IGF1R: variants seen among roughly 807,000 people sequenced by gnomAD.
IGF1R encodes insulin like growth factor 1 receptor, also known as insulin-like growth factor 1 receptor.
Under a neutral mutation model 144.6 loss-of-function variants are expected in IGF1R, and 44 were observed. The ratio of observed to expected loss-of-function variants is 0.30; its 90% confidence interval spans 0.24 to 0.39. The LOEUF (loss-of-function observed/expected upper bound fraction) is 0.39, where lower values mean the gene tolerates loss of function less well. Among genes scored for constraint, IGF1R ranks in the 10% least tolerant of loss-of-function variants. The probability of loss-of-function intolerance (pLI) is 1.00; values close to 1 mark genes in which losing one functional copy is unlikely to be tolerated. For missense variants in IGF1R, 1,355 were observed against 1,833.7 expected, an observed-to-expected ratio of 0.74 and a Z score of 4.77; for synonymous variants, 795 against 722.8, an observed-to-expected ratio of 1.10 and a Z score of -1.60.
At chr15:98,656,508 C>T (rs1222419510) in intron 1 of IGF1R, among the ~76,000 whole-genome samples, 1 of 152,142 alleles carries the variant, frequency 6.6e-6, no homozygotes, top group Non-Finnish European at 1.5e-5. Flanking sequence ...AAGATGATGC[C>T]ACTGCACTCC....
chr15:98,711,523 G>T (rs1035373154), intron 2 of IGF1R, among the ~76,000 whole-genome samples: 3 of 152,116 alleles, frequency 2.0e-5, no homozygotes, highest in African/African-American at 7.2e-5. Flanking sequence ...GTTCTTTTTG[G>T]ATTTAGGAGT....
At chr15:98,742,646 T>G (rs2054773332) in intron 2 of IGF1R, among the ~76,000 whole-genome samples, 1 of 152,218 alleles carries the variant, frequency 6.6e-6, no homozygotes, top group African/African-American at 2.4e-5. Context: ...AGTTCACATT[T>G]TAAATTTTAT....
At chr15:98,839,990 A>G (rs976284849) in intron 2 of IGF1R, among the ~76,000 whole-genome samples, 4 of 152,206 alleles carry the variant, frequency 2.6e-5, no homozygotes, top group African/African-American at 9.6e-5. Flanking sequence ...GTTATTTATC[A>G]TGGGATTACT....
chr15:98,744,011 A>T (rs1280106169), intron 2 of IGF1R, among the ~76,000 whole-genome samples: 7 of 152,124 alleles, frequency 4.6e-5, no homozygotes, highest in Non-Finnish European at 1.0e-4. Context: ...GACTGTGAGC[A>T]TGAGTTTGAT....
intron 1 of IGF1R, 98 bp downstream of exon 1, chr15:98,649,773 C>T: frequency 7.9e-6 from 7 of 891,572 alleles, no homozygotes; most frequent in Non-Finnish European, 1.1e-5. Context: ...TCGCAGCTGT[C>T]GGGCCCCCGG....
chr15:98,654,046 T>A (rs183009399), intron 1 of IGF1R, among the ~76,000 whole-genome samples: 2 of 152,184 alleles, frequency 1.3e-5, no homozygotes, highest in East Asian at 3.9e-4. Flanking sequence ...GAAATTCAGA[T>A]TTTTTTTCAG....
intron 2 of IGF1R, chr15:98,820,794 C>T (rs187485710): frequency 1.9e-4 from 29 of 152,282 alleles, no homozygotes; most frequent in African/African-American, 2.6e-4. Context: ...TAAACCACTG[C>T]TCAGAATGTG....
intron 10 of IGF1R, among the ~76,000 whole-genome samples, chr15:98,918,302 C>T (rs779672420): frequency 2.0e-5 from 3 of 152,186 alleles, no homozygotes; most frequent in Non-Finnish European, 2.9e-5. Flanking sequence ...CCCCTCACTG[C>T]CCCCGACCCT....
chr15:98,681,683 C>G (rs1391679239), intron 1 of IGF1R, among the ~76,000 whole-genome samples: 1 of 152,138 alleles, frequency 6.6e-6, no homozygotes, highest in Non-Finnish European at 1.5e-5. Context: ...TGTGACATGG[C>G]TTTCATAAAA....
At chr15:98,851,167 C>T (rs2011513366) in intron 2 of IGF1R, among the ~76,000 whole-genome samples, 1 of 152,080 alleles carries the variant, frequency 6.6e-6, no homozygotes, top group Non-Finnish European at 1.5e-5. Flanking sequence ...TGTGTGTGGC[C>T]CATCCAGGGA....
chr15:98,667,618 C>T (rs1332438949), intron 1 of IGF1R, among the ~76,000 whole-genome samples: 2 of 151,948 alleles, frequency 1.3e-5, no homozygotes, highest in East Asian at 1.9e-4. Context: ...TTTAACCAGG[C>T]GCCAGGGCTC....
At chr15:98,803,482 C>T (rs1287342814) in intron 2 of IGF1R, among the ~76,000 whole-genome samples, 2 of 40,296 alleles carry the variant, frequency 5.0e-5, no homozygotes, top group South Asian at 1.7e-3. Context: ...TTAGGCTACA[C>T]TTAGTGAATA....
At position 98,891,367 on chromosome 15, in the gene IGF1R, A is replaced by G. The variant is rs757968524; in HGVS notation, c.683A>G (p.Asn228Ser). Residue 228 changes from asparagine to serine, a missense_variant, in exon 3 of 21, where the codon AAT (asparagine) becomes AGT (serine). Physicochemically the swap from Asn to Ser is conservative, Grantham distance 46. Around this residue, in one of 7 missense-constraint regions of IGF1R, gnomAD observed 880 missense variants for 1,202.7 expected, o/e 0.73. Transcript: ENST00000650285. This position sits in a 1 kb window ranked among gnomAD's most constrained non-coding sequence, Gnocchi z 4.7. The stretch of plus-strand genomic sequence containing the variant: ...GGGAAGCGGGCGTGCACCGAGAACA[A>G]TGAGTGCTGCCACCCCGAGTGCCTG... ...TCGKRACTEN[N>S]ECCHPECLGS... The G allele has an allele frequency of 5.6e-6, 9 of 1,609,984 alleles. No homozygotes were observed. The highest frequency in any genetic ancestry group is 1.7e-5 in the Admixed American group (1 of 59,978).
At chr15:98,897,838 C>A (rs1021831661) in intron 4 of IGF1R, among the ~76,000 whole-genome samples, 1 of 151,776 alleles carries the variant, frequency 6.6e-6, no homozygotes. Flanking sequence ...GGTCAAGGTA[C>A]TGATAGTTTT....
At chr15:98,826,464 G>C (rs920888644) in intron 2 of IGF1R, among the ~76,000 whole-genome samples, 4 of 152,202 alleles carry the variant, frequency 2.6e-5, no homozygotes, top group Non-Finnish European at 4.4e-5. Context: ...AATGAAAAAT[G>C]CAACGACTGT....
intron 2 of IGF1R, among the ~76,000 whole-genome samples, chr15:98,792,616 T>C (rs2056152796): frequency 6.6e-6 from 1 of 152,212 alleles, no homozygotes; most frequent in Non-Finnish European, 1.5e-5. Context: ...GGGGATCTTT[T>C]CATATATGTA....
chr15:98,853,854 T>A (rs1264440926), intron 2 of IGF1R, among the ~76,000 whole-genome samples: 1 of 152,038 alleles, frequency 6.6e-6, no homozygotes, highest in East Asian at 1.9e-4. Context: ...CAAATAGAAA[T>A]GTAAGGCGTG....
chr15:98,676,488 T>C (rs1468712310), intron 1 of IGF1R, among the ~76,000 whole-genome samples: 1 of 152,116 alleles, frequency 6.6e-6, no homozygotes, highest in Non-Finnish European at 1.5e-5. Context: ...TTGTTTGTGG[T>C]AAAATCATTT....
intron 2 of IGF1R, among the ~76,000 whole-genome samples, chr15:98,885,483 T>C (rs2013595102): frequency 6.6e-6 from 1 of 152,180 alleles, no homozygotes; most frequent in African/African-American, 2.4e-5. Context: ...CTTTGGACCA[T>C]GTGTCTCTCT....
Sources: gnomAD v4.1 joint callset for allele counts (sites outside exome capture counted in the v4.1 genomes callset) on GRCh38, gnomAD v4.1.1 for gene constraint, gnomAD v4.1.1 regional missense constraint, Gnocchi (gnomAD v3.1) non-coding constraint, MANE v1.5 for transcripts, NCBI Gene and HGNC (gene_info 2026-07-23, HGNC 2026-07-21) for gene names.